HAGH: variants seen among roughly 807,000 people sequenced by gnomAD.
HAGH encodes the protein hydroxyacylglutathione hydrolase.
A neutral mutation model predicts 35.1 loss-of-function variants in HAGH; 29 were observed. The observed-to-expected ratio is 0.83, with a 90% CI of 0.62 to 1.13. HAGH has a LOEUF of 1.13. HAGH is among the 50% of genes most tolerant of loss of function. The pLI, the probability that HAGH is intolerant of heterozygous loss-of-function variation, is 0.00. For missense variants in HAGH, 478 were observed against 419.6 expected (o/e 1.14, Z -1.22); for synonymous variants, 225 against 176.1 (o/e 1.28, Z -2.20).
intron 1 of HAGH, among the ~76,000 whole-genome samples, chr16:1,825,153 C>A (rs1657151): frequency 0.68 from 103,368 of 151,858 alleles, 36,020 homozygotes; most frequent in Middle Eastern, 0.78. Context: ...CCTGTCTCTA[C>A]TAAAAAATAC....
rs1206674457 is a variant in HAGH, at chr16:1,826,794, G to C, written c.-7C>G. ...GCCCTCGGCCCACCACCATGACCCG[G>C]GCCGGGCTGGACTGCCGAGCTGCCC... On this transcript the variant is annotated 5_prime_UTR_variant, in exon 1 of 9. Transcript: ENST00000397356. 8 of 1,218,312 alleles carry C rather than the reference G, an allele frequency of 6.6e-6. No homozygotes were observed. The highest frequency in any genetic ancestry group is 8.2e-6 in the Non-Finnish European group (8 of 977,690). 75.5% of individuals were successfully genotyped at this position (1,218,312 alleles called of 1,614,324 possible).
chr16:1,823,617 C>T (rs993462856), intron 1 of HAGH, among the ~76,000 whole-genome samples: 2 of 151,422 alleles, frequency 1.3e-5, no homozygotes, highest in African/African-American at 4.9e-5. Context: ...GTGGTGCATG[C>T]CTGTGGTCCC....
chr16:1,814,031 C>A (rs1245049232), intron 7 of HAGH, among the ~76,000 whole-genome samples: 1 of 152,208 alleles, frequency 6.6e-6, no homozygotes, highest in Non-Finnish European at 1.5e-5. Flanking sequence ...TCGCACCACA[C>A]ACAAACACCA....
chr16:1,821,485 A>C (rs568569010), intron 3 of HAGH: 4 of 152,384 alleles, frequency 2.6e-5, no homozygotes, highest in South Asian at 2.1e-4. Flanking sequence ...AAAAAGAAGT[A>C]AGTCTCTCTA....
intron 7 of HAGH, among the ~76,000 whole-genome samples, chr16:1,816,424 G>A (rs1452928729): frequency 2.6e-5 from 4 of 152,088 alleles, no homozygotes; most frequent in South Asian, 2.1e-4. Context: ...CCACCCAGGC[G>A]TGCGTGCTTG....
At chr16:1,819,743 TAGAC>T in intron 4 of HAGH, 150 bp downstream of exon 4, 2 of 657,814 alleles carry the variant, frequency 3.0e-6, no homozygotes, top group East Asian at 5.4e-5. Context: ...TCCTTGTGCC[TAGAC>T]AGAGAAGACC....
chr16:1,809,451 A>G (rs1361337680), intron 8 of HAGH, 69 bp from the exon 9 acceptor site: 5 of 1,304,056 alleles, frequency 3.8e-6, no homozygotes, highest in Admixed American at 1.7e-5. Flanking sequence ...GGGCCACTGC[A>G]GAGGAAGGCG....
intron 1 of HAGH, 118 bp from the exon 2 acceptor site, chr16:1,823,155 G>A: frequency 1.2e-6 from 1 of 842,492 alleles, no homozygotes; most frequent in Non-Finnish European, 1.9e-6. Context: ...ATTCTGGCCA[G>A]GTATGGTGGT....
chr16:1,826,656 G>A, intron 1 of HAGH, 56 bp downstream of exon 1: 3 of 963,678 alleles, frequency 3.1e-6, no homozygotes, highest in Non-Finnish European at 3.7e-6. Context: ...GGCGCCGCCC[G>A]CTGCCCGCCC....
chr16:1,820,042 G>T, intron 3 of HAGH, 28 bp from the exon 4 acceptor site: 1 of 461,282 alleles, frequency 2.2e-6, no homozygotes, highest in Non-Finnish European at 2.9e-6. Context: ...GACCTGGGCT[G>T]CCTGCTGAGC....
intron 1 of HAGH, among the ~76,000 whole-genome samples, chr16:1,823,641 G>T (rs549637592): frequency 6.6e-6 from 1 of 150,514 alleles, no homozygotes; most frequent in African/African-American, 2.4e-5. Context: ...TACTCCGGAG[G>T]CTGAGGCAGG....
At chr16:1,824,968 G>C (rs571443178) in intron 1 of HAGH, among the ~76,000 whole-genome samples, 1 of 152,306 alleles carries the variant, frequency 6.6e-6, no homozygotes, top group South Asian at 2.1e-4. Flanking sequence ...AGGATTCCGA[G>C]TGCCGGGCGT....
At chr16:1,815,105 A>G (rs931359104) in intron 7 of HAGH, among the ~76,000 whole-genome samples, 4 of 44,640 alleles carry the variant, frequency 9.0e-5, no homozygotes, top group African/African-American at 2.5e-4. Context: ...GACACACATG[A>G]AAAGATGGTC....
intron 5 of HAGH, among the ~76,000 whole-genome samples, chr16:1,817,837 C>T (rs1463857542): frequency 1.3e-5 from 2 of 152,234 alleles, no homozygotes; most frequent in African/African-American, 2.4e-5. Flanking sequence ...CTTGCTGCTT[C>T]GCGGCTGTCC....
chr16:1,826,193 G>A (rs1161211822), intron 1 of HAGH, among the ~76,000 whole-genome samples: 3 of 151,990 alleles, frequency 2.0e-5, no homozygotes, highest in Non-Finnish European at 4.4e-5. Flanking sequence ...GCACCCGCCC[G>A]GGGCGCTGGC....
At chr16:1,811,258 G>C (rs1200549304) in intron 7 of HAGH, among the ~76,000 whole-genome samples, 1 of 151,826 alleles carries the variant, frequency 6.6e-6, no homozygotes, top group Non-Finnish European at 1.5e-5. Flanking sequence ...TACTAAAATA[G>C]AAAAAATCAG....
At position 1,807,831 on chromosome 16, in the gene HAGH, G is replaced by C. The variant is rs1421224712; in HGVS notation, c.*1452C>G. On this transcript the variant is annotated 3_prime_UTR_variant, in exon 9 of 9. Coordinates refer to ENST00000397356, the MANE Select transcript of HAGH (RefSeq NM_005326.6). ...AACAGACCAGTGACCCCTCCGGGGG[G>C]AGGGCATGCATGTGGTCTGAAGTGC... 9.5e-6 allele frequency: 1 copy of C among 105,012 alleles called. No individual in the cohort carries two copies. The highest frequency in any genetic ancestry group is 2.0e-5 in the Non-Finnish European group (1 of 50,486). The allele number at this position is 105,012 out of a possible 1,614,324, so 6.5% of individuals were successfully genotyped here. A position where few individuals can be genotyped will look rare whatever the true frequency, so the allele number is the denominator to read the frequency against.
chr16:1,826,539 GCTCCGCGCCAGC>G (rs376684985), intron 1 of HAGH, 161 bp downstream of exon 1: 145,159 of 981,516 alleles, frequency 0.15, 11,469 homozygotes, highest in South Asian at 0.21. Context: ...CCCCGCGCCC[GCTCCGCGCCAGC>G]CTCAGCGCCT....
At chr16:1,813,330 C>A (rs549082406) in intron 7 of HAGH, among the ~76,000 whole-genome samples, 3 of 152,182 alleles carry the variant, frequency 2.0e-5, no homozygotes, top group African/African-American at 7.2e-5. Flanking sequence ...CAGGTGCAGA[C>A]GCCCAGGCCA....
Sources: gnomAD v4.1 joint callset for allele counts (sites outside exome capture counted in the v4.1 genomes callset) on GRCh38, gnomAD v4.1.1 for gene constraint, MANE v1.5 for transcripts, NCBI Gene and HGNC (gene_info 2026-07-23, HGNC 2026-07-21) for gene names.